The following DNM3 variants were observed in gnomAD, a reference collection of about 807,000 sequenced individuals.
DNM3 encodes dynamin-3.
A neutral mutation model predicts 101.6 loss-of-function variants in DNM3; 47 were observed. That is an observed-to-expected ratio of 0.46 (90% CI 0.37 to 0.59). The LOEUF (loss-of-function observed/expected upper bound fraction) is 0.59. Ranked by LOEUF, DNM3 falls within the 20% of genes least tolerant of loss-of-function variation. The pLI is 0.00. For synonymous variants in DNM3, 385 were observed against 387.9 expected, an observed-to-expected ratio of 0.99 and a Z score of 0.09; for missense variants, 849 against 1,085.7, an observed-to-expected ratio of 0.78 and a Z score of 3.06.
chr1:172,371,910 ATTT>A (rs2068351775), intron 17 of DNM3, among the ~76,000 whole-genome samples: 1 of 132,476 alleles, frequency 7.5e-6, no homozygotes, highest in Non-Finnish European at 1.7e-5. Flanking sequence ...TTATTTATTT[ATTT>A]ATTTATTTTT....
intron 13 of DNM3, among the ~76,000 whole-genome samples, chr1:172,099,050 T>A (rs1336570399): frequency 6.6e-6 from 1 of 152,188 alleles, no homozygotes; most frequent in Non-Finnish European, 1.5e-5. Flanking sequence ...GACAAATGAA[T>A]TGATATTCTG....
chr1:172,230,717 GC>G (rs2061304429), intron 14 of DNM3, among the ~76,000 whole-genome samples: 2 of 151,930 alleles, frequency 1.3e-5, no homozygotes, highest in African/African-American at 4.8e-5. Context: ...TCAGCCCATT[GC>G]GAGCACACTT....
chr1:172,187,042 A>C (rs1229047445), intron 14 of DNM3, among the ~76,000 whole-genome samples: 2 of 152,132 alleles, frequency 1.3e-5, no homozygotes, highest in Non-Finnish European at 2.9e-5. Flanking sequence ...TTCTCTTCTT[A>C]TTCTGCCTGC....
At chr1:172,011,581 T>G (rs907451995) in intron 4 of DNM3, among the ~76,000 whole-genome samples, 34 of 152,040 alleles carry the variant, frequency 2.2e-4, no homozygotes, top group Admixed American at 2.0e-4. Flanking sequence ...TTTTATATAT[T>G]GTATCCAGTT....
chr1:172,139,050 T>G, intron 14 of DNM3: 1 of 369,550 alleles, frequency 2.7e-6, no homozygotes, highest in East Asian at 8.9e-5. Flanking sequence ...TAAAAACAAG[T>G]TAGACTTTTG....
chr1:172,323,787 T>C (rs1349352552), intron 17 of DNM3, among the ~76,000 whole-genome samples: 3 of 152,276 alleles, frequency 2.0e-5, no homozygotes, highest in East Asian at 3.9e-4. Flanking sequence ...GCTGGCTTTG[T>C]TGACGAAACT....
chr1:172,323,946 G>A (rs992509454), intron 17 of DNM3, among the ~76,000 whole-genome samples: 3 of 152,146 alleles, frequency 2.0e-5, no homozygotes, highest in African/African-American at 7.2e-5. Context: ...GCCAAAATGT[G>A]TATGATAGCT....
At chr1:172,188,642 A>T (rs758749948) in intron 14 of DNM3, among the ~76,000 whole-genome samples, 7 of 152,082 alleles carry the variant, frequency 4.6e-5, no homozygotes, top group Non-Finnish European at 1.0e-4. Flanking sequence ...CTAAACATTT[A>T]TATGCATGTG....
Position 171,974,430 on chromosome 1 carries a change from T to C in DNM3, c.236-13226T>C, listed in dbSNP as rs114199512. Among the ~76,000 whole-genome samples, 1,361 of 152,324 alleles carry C rather than the reference T, an allele frequency of 8.9e-3. 27 individuals carry two copies. The highest frequency in any genetic ancestry group is 0.031 in the African/African-American group (1,290 of 41,584). On this transcript the variant is annotated intron_variant, in intron 2 of 20. Coordinates refer to ENST00000627582, the MANE Select transcript of DNM3 (RefSeq NM_015569.5). ...AAATTGATTACTTTTCATATTTAAG[T>C]CCCTTTTGAGGGGCTCTCTCTTTTG...
At chr1:172,257,877 AACACAC>A (rs56955112) in intron 15 of DNM3, among the ~76,000 whole-genome samples, 21 of 145,222 alleles carry the variant, frequency 1.4e-4, no homozygotes, top group Non-Finnish European at 2.3e-4. Flanking sequence ...AACCCCCACC[AACACAC>A]ACACACACAC....
chr1:171,846,304 G>A (rs571968253), intron 1 of DNM3, among the ~76,000 whole-genome samples: 1 of 152,218 alleles, frequency 6.6e-6, no homozygotes, highest in East Asian at 1.9e-4. Context: ...ATGTCTGAGA[G>A]CAATATAACT....
At chr1:171,957,788 C>G (rs543566396) in intron 2 of DNM3, among the ~76,000 whole-genome samples, 3 of 152,156 alleles carry the variant, frequency 2.0e-5, no homozygotes, top group Non-Finnish European at 2.9e-5. Flanking sequence ...CCACCTCAGC[C>G]TGGATTTCAT....
At chr1:172,055,472 T>A (rs900651508) in intron 10 of DNM3, among the ~76,000 whole-genome samples, 2 of 151,926 alleles carry the variant, frequency 1.3e-5, no homozygotes, top group Non-Finnish European at 2.9e-5. Context: ...CTTACCAAAC[T>A]TTTTCTTTGC....
chr1:172,258,903 A>G (rs2062529615), intron 15 of DNM3, among the ~76,000 whole-genome samples: 1 of 151,696 alleles, frequency 6.6e-6, no homozygotes, highest in East Asian at 1.9e-4. Flanking sequence ...AACCTTTATC[A>G]GCACTGTTTT....
intron 14 of DNM3, chr1:172,137,797 C>T (rs1005759128): frequency 6.6e-6 from 1 of 152,050 alleles, no homozygotes; most frequent in East Asian, 1.9e-4. Context: ...ATCCATCTTC[C>T]CACCTTTTAC....
intron 2 of DNM3, among the ~76,000 whole-genome samples, chr1:171,964,777 G>A (rs151024025): frequency 2.0e-5 from 3 of 152,046 alleles, no homozygotes; most frequent in East Asian, 3.9e-4. Context: ...CCAGAAAGTC[G>A]AATAAACAGG....
At chr1:172,067,114 A>C (rs1008078582) in intron 10 of DNM3, among the ~76,000 whole-genome samples, 14 of 152,122 alleles carry the variant, frequency 9.2e-5, no homozygotes, top group Non-Finnish European at 1.9e-4. Flanking sequence ...TAAGTCTTAT[A>C]AAAAAATAGC....
chr1:171,886,861 T>A (rs1039282260), intron 1 of DNM3, among the ~76,000 whole-genome samples: 1 of 152,208 alleles, frequency 6.6e-6, no homozygotes, highest in African/African-American at 2.4e-5. Context: ...CCAACTTTTT[T>A]TTTGTGAGTT....
At chr1:171,970,697 C>CATTACTAT (rs56013251) in intron 2 of DNM3, among the ~76,000 whole-genome samples, 1 of 151,544 alleles carries the variant, frequency 6.6e-6, no homozygotes, top group South Asian at 2.1e-4. Context: ...TAGTAAGAAT[C>CATTACTAT]ATCATTAGGA....
Sources: allele counts gnomAD v4.1 joint callset (sites outside exome capture counted in the v4.1 genomes callset), GRCh38; gene constraint gnomAD v4.1.1; transcripts MANE v1.5; gene names NCBI Gene and HGNC (gene_info 2026-07-23, HGNC 2026-07-21).